NBAS: variants seen among roughly 807,000 people sequenced by gnomAD.
NBAS encodes the protein NAG/BC035112 fusion.
In NBAS, 219 loss-of-function variants were observed where a neutral mutation model predicts 302.5. The ratio of observed to expected loss-of-function variants is 0.72; its 90% CI spans 0.65 to 0.81. NBAS has a LOEUF of 0.81. NBAS is among the 30% of genes least tolerant of loss of function. NBAS has a pLI of 0.00. For missense variants in NBAS, 2,932 were observed against 2,841.6 expected (o/e 1.03, Z -0.72); for synonymous variants, 1,118 against 1,021.6 (o/e 1.09, Z -1.80).
At chr2:15,516,610 C>G (rs1228572097) in intron 9 of NBAS, among the ~76,000 whole-genome samples, 1 of 151,976 alleles carries the variant, frequency 6.6e-6, no homozygotes, top group African/African-American at 2.4e-5. Context: ...GTAGACCCAG[C>G]TACTCAGGAT....
intron 9 of NBAS, among the ~76,000 whole-genome samples, chr2:15,522,621 T>C (rs1662726150): frequency 6.6e-6 from 1 of 152,114 alleles, no homozygotes; most frequent in Non-Finnish European, 1.5e-5. Context: ...TAAAAATATA[T>C]AGAATAGGTA....
At chr2:15,144,065 A>ATATATATATATATATATATATAT in the NBAS span, among the ~76,000 whole-genome samples, 9 of 121,672 alleles carry the variant, frequency 7.4e-5, 1 homozygote, top group African/African-American at 3.1e-4. Flanking sequence ...ATATATATAT[A>ATATATATATATATATATATATAT]TATCTCCCAT....
At chr2:14,791,261 G>A in the NBAS span, among the ~76,000 whole-genome samples, 1 of 152,156 alleles carries the variant, frequency 6.6e-6, no homozygotes, top group Non-Finnish European at 1.5e-5. Flanking sequence ...AAAGTGCTGG[G>A]ATTACAGGCA....
the NBAS span, among the ~76,000 whole-genome samples, chr2:14,917,505 T>C: frequency 1.3e-5 from 2 of 152,194 alleles, no homozygotes; most frequent in Non-Finnish European, 2.9e-5. Context: ...CCATACTCTA[T>C]TGGTTAGAAG....
chr2:15,131,160 A>G, the NBAS span, among the ~76,000 whole-genome samples: 511 of 152,328 alleles, frequency 3.4e-3, 5 homozygotes, highest in African/African-American at 0.012. Context: ...TGCCTGACAC[A>G]TAATCTCCGA....
At chr2:15,034,105 GAGA>G in the NBAS span, among the ~76,000 whole-genome samples, 2 of 146,166 alleles carry the variant, frequency 1.4e-5, no homozygotes, top group Non-Finnish European at 3.0e-5. Context: ...GGAGGAGAAG[GAGA>G]AGAAGGAGAA....
the NBAS span, among the ~76,000 whole-genome samples, chr2:14,869,903 G>A: frequency 1.3e-5 from 2 of 152,202 alleles, no homozygotes; most frequent in East Asian, 3.9e-4. Context: ...TTCCCTATGG[G>A]ACTTTCATCA....
chr2:15,276,739 C>A (rs889219125), intron 43 of NBAS, 112 bp downstream of exon 43: 40 of 1,496,150 alleles, frequency 2.7e-5, no homozygotes, highest in Non-Finnish European at 3.2e-5. Flanking sequence ...CTTCAAAATT[C>A]TGTGGTTTCA....
At chr2:14,787,961 A>G in the NBAS span, among the ~76,000 whole-genome samples, 266 of 152,294 alleles carry the variant, frequency 1.7e-3, 2 homozygotes, top group African/African-American at 6.1e-3. Context: ...AGGTACACCA[A>G]TCAGACATAG....
At chr2:15,377,272 G>A (rs933409992) in intron 30 of NBAS, among the ~76,000 whole-genome samples, 2 of 152,122 alleles carry the variant, frequency 1.3e-5, no homozygotes, top group Non-Finnish European at 2.9e-5. Context: ...AAATGAAAAA[G>A]TGCAAATGAA....
At chr2:15,146,019 T>C in the NBAS span, among the ~76,000 whole-genome samples, 1 of 152,132 alleles carries the variant, frequency 6.6e-6, no homozygotes, top group Non-Finnish European at 1.5e-5. Context: ...AACTTGATAC[T>C]GTTCTAAGTG....
At chr2:15,150,069 A>G in the NBAS span, among the ~76,000 whole-genome samples, 1 of 149,468 alleles carries the variant, frequency 6.7e-6, no homozygotes, top group African/African-American at 2.4e-5. Flanking sequence ...CCTGTCTCAA[A>G]AAAAAAAAAA....
At chr2:15,391,032 C>T (rs1409894283) in intron 28 of NBAS, among the ~76,000 whole-genome samples, 2 of 151,990 alleles carry the variant, frequency 1.3e-5, no homozygotes. Context: ...ATCACTTGAA[C>T]CCTGGAGGTG....
chr2:14,904,032 A>G, the NBAS span, among the ~76,000 whole-genome samples: 164 of 152,348 alleles, frequency 1.1e-3, no homozygotes, highest in African/African-American at 3.7e-3. Flanking sequence ...CTGGACACTC[A>G]GAGAAACGGG....
intron 41 of NBAS, among the ~76,000 whole-genome samples, chr2:15,292,027 T>A (rs146638148): frequency 6.6e-6 from 1 of 152,180 alleles, no homozygotes; most frequent in Non-Finnish European, 1.5e-5. Context: ...TGGGGTGGAG[T>A]GCAGTGGCAT....
At chr2:15,025,989 T>C in the NBAS span, among the ~76,000 whole-genome samples, 1 of 152,166 alleles carries the variant, frequency 6.6e-6, no homozygotes, top group African/African-American at 2.4e-5. Context: ...GGCCAGGACT[T>C]GTAATACCAC....
At chr2:15,056,855 G>A in the NBAS span, among the ~76,000 whole-genome samples, 2 of 138,732 alleles carry the variant, frequency 1.4e-5, no homozygotes, top group Non-Finnish European at 3.0e-5. Flanking sequence ...TTTTGACGGA[G>A]TCTCACTCTG....
At chr2:14,960,722 G>A in the NBAS span, among the ~76,000 whole-genome samples, 1 of 152,116 alleles carries the variant, frequency 6.6e-6, no homozygotes, top group East Asian at 1.9e-4. Flanking sequence ...AAATAAGGTA[G>A]GTCTAAATGC....
At chr2:15,057,483 A>T in the NBAS span, among the ~76,000 whole-genome samples, 190 of 152,178 alleles carry the variant, frequency 1.2e-3, no homozygotes, top group African/African-American at 4.4e-3. Flanking sequence ...GTTTGGTTAC[A>T]TAAGTTCTTT....
Sources: gnomAD v4.1 joint callset for allele counts (sites outside exome capture counted in the v4.1 genomes callset) on GRCh38, gnomAD v4.1.1 for gene constraint, MANE v1.5 for transcripts, NCBI Gene and HGNC (gene_info 2026-07-23, HGNC 2026-07-21) for gene names.